ZNF253: variants seen among roughly 807,000 people sequenced by gnomAD.
ZNF253 encodes DNA-binding protein.
In ZNF253, 8 loss-of-function variants were observed where a neutral mutation model predicts 11.9. The observed-to-expected ratio is 0.67, with a 90% CI of 0.40 to 1.22. The LOEUF (loss-of-function observed/expected upper bound fraction) is 1.22, where lower values mean the gene tolerates loss of function less well. Ranked by LOEUF, ZNF253 falls within the 50% of genes most tolerant of loss-of-function variation. The probability of loss-of-function intolerance (pLI) is 0.01; values close to 1 mark genes in which losing one functional copy is unlikely to be tolerated. For synonymous variants in ZNF253, 194 were observed against 194.9 expected, an observed-to-expected ratio of 1.00 and a Z score of 0.04; for missense variants, 485 against 586.9, an observed-to-expected ratio of 0.83 and a Z score of 1.79.
chr19:19,894,674 AGGT>A (rs2063246675), downstream of ZNF253: 1 of 152,244 alleles, frequency 6.6e-6, no homozygotes, highest in Non-Finnish European at 1.5e-5. Flanking sequence ...ATAAAAAATA[AGGT>A]GGGGTTTCAG....
At chr19:19,890,541 T>TGTGTGTGTGTGTGA (rs1207129318) in intron 3 of ZNF253, among the ~76,000 whole-genome samples, 4 of 148,342 alleles carry the variant, frequency 2.7e-5, no homozygotes, top group African/African-American at 9.9e-5. Context: ...TGTGTGTGTG[T>TGTGTGTGTGTGTGA]GACAGAGTCT....
At chr19:19,876,224 T>G (rs1278247344) in intron 1 of ZNF253, among the ~76,000 whole-genome samples, 3 of 152,182 alleles carry the variant, frequency 2.0e-5, no homozygotes, top group African/African-American at 7.2e-5. Context: ...AAACACCCAT[T>G]TATGGACCCT....
At chr19:19,890,790 T>C (rs1157397333) in intron 3 of ZNF253, among the ~76,000 whole-genome samples, 3 of 151,172 alleles carry the variant, frequency 2.0e-5, no homozygotes, top group Non-Finnish European at 2.9e-5. Flanking sequence ...ACCAAAGTGC[T>C]GGGGTTACAG....
At chr19:19,877,993 T>C (rs911594793) in intron 1 of ZNF253, among the ~76,000 whole-genome samples, 1 of 152,084 alleles carries the variant, frequency 6.6e-6, no homozygotes, top group South Asian at 2.1e-4. Flanking sequence ...AAAATACCGT[T>C]CTTGGGCCAA....
At position 19,891,904 on chromosome 19, in the gene ZNF253, G is replaced by C; in HGVS notation, c.657G>C (p.Lys219Asn). 1.9e-6 allele frequency: 3 copies of C among 1,613,954 alleles called. No individual in the cohort carries two copies. Among genetic ancestry groups the C allele is most frequent in the South Asian group, 2.2e-5 (2 of 91,074 alleles). ...FNQSANLTTH[K>N]RIHTGEKPYR... is the part of the protein sequence containing the mutation. The stretch of plus-strand genomic sequence containing the variant: ...AATCTGCAAACCTTACTACACATAA[G>C]AGAATTCATACCGGAGAGAAACCCT... The change falls in exon 4 of 4, where the codon AAG (lysine) becomes AAC (asparagine). Residue 219 changes from lysine (K) to asparagine (N), a missense_variant. Lys to Asn is a moderately conservative substitution (Grantham distance 94). Transcript: ENST00000589717.
At chr19:19,865,851 C>T (rs553852428), upstream of ZNF253, 19 of 1,038,456 alleles carry the variant, frequency 1.8e-5, no homozygotes, top group Non-Finnish European at 2.7e-5. Flanking sequence ...TTTCTGGGGG[C>T]CTTTGTTTCT....
rs151297727 is a variant in ZNF253 at position 19,885,536 on chromosome 19, G to A, written c.226+5390G>A. ...CTCCCAAGTAGCTGGGACTATGGGCGCCCGCCACCATGCCCGGCTAAGTTT... is the reference window on the plus strand; with the variant it reads ...CTCCCAAGTAGCTGGGACTATGGGCACCCGCCACCATGCCCGGCTAAGTTT... On this transcript the variant is annotated intron_variant, in intron 3 of 3. Transcript: ENST00000589717. Among the ~76,000 whole-genome samples the A allele has an allele frequency of 6.5e-3, 983 of 151,616 alleles. 12 individuals are homozygous for A. The highest frequency in any genetic ancestry group is 0.023 in the African/African-American group (941 of 41,328).
chr19:19,878,292 C>G lies in ZNF253; in HGVS notation c.4-189C>G, dbSNP rs533681486. Among the ~76,000 whole-genome samples the G allele has an allele frequency of 1.6e-3, 236 of 150,352 alleles. 2 individuals are homozygous for G. Among genetic ancestry groups the G allele is most frequent in the African/African-American group, 5.6e-3 (231 of 41,080 alleles). On this transcript the variant is annotated intron_variant, in intron 1 of 3. Transcript: ENST00000589717. ...ATAAACTGATGTTATGGATCTTGTG[C>G]CGCTCTTTTTTCTCAGAGTTAGAGG...
chr19:19,891,434 T>C (rs2063229006), intron 3 of ZNF253, 40 bp from the exon 4 acceptor site: 1 of 1,475,244 alleles, frequency 6.8e-7, no homozygotes, highest in Admixed American at 2.4e-5. Flanking sequence ...TTTATCTGAG[T>C]CTAGCAATTG....
rs999517572 is a variant in ZNF253 at position 19,892,697 on chromosome 19, A to G, written c.1450A>G (p.Asn484Asp). 2 of 1,605,280 alleles carry G rather than the reference A, an allele frequency of 1.2e-6. No homozygotes were observed. The highest frequency in any genetic ancestry group is 1.7e-6 in the Non-Finnish European group (2 of 1,176,994). The change falls in exon 4 of 4, where the codon AAT (asparagine) becomes GAT (aspartate). Residue 484 changes from asparagine to aspartate, a missense_variant. Asn to Asp is a conservative substitution (Grantham distance 23). Coordinates refer to ENST00000589717, the MANE Select transcript of ZNF253 (RefSeq NM_021047.3). ...HIERKPYIVK[N>D]VTDLLNVPPL... ...TGAACGAAAACCCTACATAGTGAAGAATGTGACAGATCTTTTAAATGTTCC... is the reference window on the plus strand; with the variant it reads ...TGAACGAAAACCCTACATAGTGAAGGATGTGACAGATCTTTTAAATGTTCC...
At chr19:19,885,120 GTAGT>G (rs1167170962) in intron 3 of ZNF253, among the ~76,000 whole-genome samples, 2 of 151,970 alleles carry the variant, frequency 1.3e-5, no homozygotes, top group Admixed American at 6.6e-5. Context: ...GAAGTATAGT[GTAGT>G]TAAACTTTTT....
Position 19,891,561 on chromosome 19 carries a change from G to T in ZNF253, c.314G>T (p.Cys105Phe). Residue 105 changes from cysteine (C) to phenylalanine (F), a missense_variant, in exon 4 of 4, where the codon TGC (cysteine) becomes TTC (phenylalanine). Around this residue, in one of 3 missense-constraint regions of ZNF253, gnomAD observed 218 missense variants for 213.1 expected, o/e 1.02. Coordinates refer to ENST00000589717, the MANE Select transcript of ZNF253 (RefSeq NM_021047.3). ...GGGATGCTGAGAAGATATGAAGAAT[G>T]CAGACATGACAATTTACAGTTAAAA... ...QIGMLRRYEE[C>F]RHDNLQLKKG... is the part of the protein sequence containing the mutation. 2 of 1,614,024 alleles carry T rather than the reference G, an allele frequency of 1.2e-6. No individual in the cohort carries two copies.
chr19:19,889,893 G>A (rs181384350), intron 3 of ZNF253, among the ~76,000 whole-genome samples: 1 of 152,148 alleles, frequency 6.6e-6, no homozygotes, highest in Non-Finnish European at 1.5e-5. Context: ...TCCTACCTTG[G>A]CTTCCCAATG....
chr19:19,867,069 G>C lies in ZNF253; in HGVS notation c.3+1070G>C, dbSNP rs556449476. Reference sequence around the variant, plus strand: ...ATTAAAAATTTATGGGGCCGGGCGCGGTGGCTCACGCCTGTAATAACAACA... The same window carrying C: ...ATTAAAAATTTATGGGGCCGGGCGCCGTGGCTCACGCCTGTAATAACAACA... On this transcript the variant is annotated intron_variant, in intron 1 of 3. Transcript: ENST00000589717. 1.7e-4 allele frequency among the ~76,000 whole-genome samples: 26 copies of C among 152,226 alleles called. No individual in the cohort carries two copies. The South Asian group carries it at 5.4e-3, about 32-fold the overall frequency.
chr19:19,875,435 C>T (rs927241368), intron 1 of ZNF253, among the ~76,000 whole-genome samples: 2 of 151,280 alleles, frequency 1.3e-5, no homozygotes, highest in African/African-American at 2.5e-5. Flanking sequence ...GTCTCTCTGT[C>T]GCCCAGGCTG....
At chr19:19,871,365 C>T (rs950431159) in intron 1 of ZNF253, 2 of 152,272 alleles carry the variant, frequency 1.3e-5, no homozygotes, top group African/African-American at 4.8e-5. Flanking sequence ...AACTGTGCCT[C>T]AGTGGCAGAT....
Position 19,885,216 on chromosome 19 carries a change from ATTCTTTCTTTCTTTCTTTCT to A in ZNF253, c.226+5127_226+5146del, listed in dbSNP as rs1162456298. ...GACCAATGTCATGTCTTTTTTTTGT[ATTCTTTCTTTCTTTCTTTCT>A]TTCTTTCTTTCTTTCTTTCTTTCTT... On this transcript the variant is annotated intron_variant, in intron 3 of 3. Coordinates refer to ENST00000589717, the MANE Select transcript of ZNF253 (RefSeq NM_021047.3). Among the ~76,000 whole-genome samples the A allele has an allele frequency of 9.0e-3, 620 of 69,258 alleles. 47 individuals are homozygous for A. The highest frequency in any genetic ancestry group is 0.014 in the Middle Eastern group (2 of 146). The allele number at this position is 69,258 out of a possible 152,430, so 45.4% of individuals were successfully genotyped here. A position where few individuals can be genotyped will look rare whatever the true frequency, so the allele number is the denominator to read the frequency against.
At chr19:19,868,884 G>T (rs1210161869) in intron 1 of ZNF253, among the ~76,000 whole-genome samples, 2 of 151,948 alleles carry the variant, frequency 1.3e-5, no homozygotes, top group Admixed American at 1.3e-4. Context: ...TTTTCTTAAG[G>T]AATTTAGGTT....
Position 19,892,799 on chromosome 19 carries a change from AC to A in ZNF253, c.*54del. 1 of 1,497,192 alleles carries A rather than the reference AC, an allele frequency of 6.7e-7. No homozygotes were observed. Among genetic ancestry groups the A allele is most frequent in the Non-Finnish European group, 9.0e-7 (1 of 1,109,914 alleles). The allele number at this position is 1,497,192 out of a possible 1,614,324, so 92.7% of individuals were successfully genotyped here. A position where few individuals can be genotyped will look rare whatever the true frequency, so the allele number is the denominator to read the frequency against. ...TGTGATGAATGTGGGAAAGCCTTTAACCAGCCCTCGACTCTTAGTAAATTTG... is the reference window on the plus strand; with the variant it reads ...TGTGATGAATGTGGGAAAGCCTTTAACAGCCCTCGACTCTTAGTAAATTTG... On this transcript the variant is annotated 3_prime_UTR_variant, in exon 4 of 4. Coordinates refer to ENST00000589717, the MANE Select transcript of ZNF253 (RefSeq NM_021047.3).
Sources: gnomAD v4.1 joint callset for allele counts (sites outside exome capture counted in the v4.1 genomes callset) on GRCh38, gnomAD v4.1.1 for gene constraint, gnomAD v4.1.1 regional missense constraint, MANE v1.5 for transcripts, NCBI Gene and HGNC (gene_info 2026-07-23, HGNC 2026-07-21) for gene names.